The following PCSK5 variants were observed in gnomAD, a reference collection of about 807,000 sequenced individuals.
The protein encoded by PCSK5 is prohormone convertase 5.
Under a neutral mutation model 233.2 loss-of-function variants are expected in PCSK5, and 129 were observed. That is an observed-to-expected ratio of 0.55 (90% confidence interval 0.48 to 0.64). The LOEUF (loss-of-function observed/expected upper bound fraction) is 0.64. Ranked by LOEUF, PCSK5 falls within the 30% of genes least tolerant of loss-of-function variation. The pLI is 0.00. For synonymous variants in PCSK5, 825 were observed against 879.2 expected (o/e 0.94, Z 1.09); for missense variants, 2,076 against 2,430.1 (o/e 0.85, Z 3.06).
intron 30 of PCSK5, among the ~76,000 whole-genome samples, chr9:76,314,386 C>CA (rs950659400): frequency 1.5e-5 from 2 of 137,646 alleles, no homozygotes; most frequent in African/African-American, 5.8e-5. Context: ...TTTAAACACA[C>CA]ACAAAAAAAG....
chr9:75,952,716 G>T (rs941101055), intron 2 of PCSK5, among the ~76,000 whole-genome samples: 1 of 152,126 alleles, frequency 6.6e-6, no homozygotes, highest in Non-Finnish European at 1.5e-5. Flanking sequence ...GGAATAATTC[G>T]GTATGTAGTC....
chr9:76,208,298 T>C (rs1284739898), intron 20 of PCSK5, among the ~76,000 whole-genome samples: 1 of 152,142 alleles, frequency 6.6e-6, no homozygotes, highest in Admixed American at 6.5e-5. Context: ...CTGACTGCAA[T>C]GACCCTGGGT....
At chr9:76,012,956 A>G (rs914826318) in intron 3 of PCSK5, among the ~76,000 whole-genome samples, 4 of 152,214 alleles carry the variant, frequency 2.6e-5, no homozygotes, top group Non-Finnish European at 5.9e-5. Flanking sequence ...AAAATCCTTT[A>G]GAACTGTTAG....
At chr9:76,087,442 C>T (rs927803793) in intron 7 of PCSK5, among the ~76,000 whole-genome samples, 2 of 152,242 alleles carry the variant, frequency 1.3e-5, no homozygotes, top group African/African-American at 4.8e-5. Flanking sequence ...CTCACCATTT[C>T]CAAGTGTCAC....
chr9:75,910,866 T>C (rs913689586), intron 1 of PCSK5, among the ~76,000 whole-genome samples: 8 of 152,136 alleles, frequency 5.3e-5, no homozygotes, highest in Non-Finnish European at 2.9e-5. Context: ...CACAAACATG[T>C]GGGTATCGGT....
chr9:75,931,273 T>A (rs917380808), intron 1 of PCSK5, among the ~76,000 whole-genome samples: 7 of 149,590 alleles, frequency 4.7e-5, no homozygotes, highest in Non-Finnish European at 7.4e-5. Flanking sequence ...TTTTTTAAAT[T>A]AGGAAAGCTG....
chr9:76,046,567 T>TC (rs1471519622), intron 5 of PCSK5, among the ~76,000 whole-genome samples: 3 of 137,526 alleles, frequency 2.2e-5, no homozygotes, highest in African/African-American at 5.6e-5. Flanking sequence ...TTCTTTTTTT[T>TC]TTTTTTTTTT....
chr9:75,895,686 A>G (rs1825772655), intron 1 of PCSK5, among the ~76,000 whole-genome samples: 2 of 152,238 alleles, frequency 1.3e-5, no homozygotes, highest in South Asian at 4.1e-4. Context: ...AAAGGGAGGA[A>G]AAATAACCTG....
chr9:76,107,208 C>G (rs760449388), intron 8 of PCSK5, 43 bp from the exon 9 acceptor site: 3 of 1,251,508 alleles, frequency 2.4e-6, no homozygotes, highest in Non-Finnish European at 3.5e-6. Flanking sequence ...GCAGGTGACT[C>G]ACATTGGCCT....
chr9:76,216,158 T>C (rs1825522242), intron 20 of PCSK5, among the ~76,000 whole-genome samples: 1 of 152,210 alleles, frequency 6.6e-6, no homozygotes. Flanking sequence ...TCTGTAGGAC[T>C]AGGCTGAGAA....
In PCSK5 at chr9:76,207,911, C is replaced by T. The variant is rs142618894; in HGVS notation, c.2626+18165C>T. On this transcript the variant is annotated intron_variant, in intron 20 of 37. Coordinates refer to ENST00000674117, the MANE Select transcript of PCSK5 (RefSeq NM_001372043.1). ...ATAAAAAATAGGACTTTATTTGGCT[C>T]ATGGTCCTGGAGGCTGGAAAGTCTA... is the stretch of plus-strand genomic sequence containing the variant. Among the ~76,000 whole-genome samples the T allele has an allele frequency of 2.9e-3, 434 of 152,276 alleles. 2 individuals carry two copies. The highest frequency in any genetic ancestry group is 9.9e-3 in the African/African-American group (412 of 41,556).
At chr9:76,293,239 T>C (rs1405953719) in intron 25 of PCSK5, among the ~76,000 whole-genome samples, 2 of 152,052 alleles carry the variant, frequency 1.3e-5, no homozygotes, top group Non-Finnish European at 2.9e-5. Flanking sequence ...ACACTTGAAA[T>C]GTGGTAATAG....
At chr9:76,150,908 G>A (rs1370326679) in intron 10 of PCSK5, among the ~76,000 whole-genome samples, 1 of 151,804 alleles carries the variant, frequency 6.6e-6, no homozygotes, top group Non-Finnish European at 1.5e-5. Flanking sequence ...ATTTAGGTGT[G>A]AAACTGCCGA....
chr9:75,960,324 G>T (rs752841882), intron 2 of PCSK5, among the ~76,000 whole-genome samples: 2 of 152,176 alleles, frequency 1.3e-5, no homozygotes, highest in Non-Finnish European at 2.9e-5. Context: ...GGAAGGAATA[G>T]GATTAGTTTG....
intron 20 of PCSK5, among the ~76,000 whole-genome samples, chr9:76,215,168 A>G (rs1449679585): frequency 6.6e-6 from 1 of 152,262 alleles, no homozygotes; most frequent in African/African-American, 2.4e-5. Context: ...AACTGTGAAC[A>G]GCAGAGAGAG....
intron 3 of PCSK5, among the ~76,000 whole-genome samples, chr9:75,994,667 C>A (rs1483240121): frequency 2.0e-5 from 3 of 151,982 alleles, no homozygotes; most frequent in Non-Finnish European, 4.4e-5. Flanking sequence ...TGCGATCCAC[C>A]CGCCTCGGCC....
At chr9:76,084,210 G>A (rs1291523279) in intron 7 of PCSK5, among the ~76,000 whole-genome samples, 6 of 152,094 alleles carry the variant, frequency 3.9e-5, no homozygotes, top group Admixed American at 3.9e-4. Context: ...AGAAATGTGT[G>A]TTTTTCATAA....
At chr9:76,324,237 ATTG>A (rs1171750241) in intron 32 of PCSK5, among the ~76,000 whole-genome samples, 1 of 150,928 alleles carries the variant, frequency 6.6e-6, no homozygotes, top group Non-Finnish European at 1.5e-5. Flanking sequence ...ATATTTTGTT[ATTG>A]TTGTTCTTGA....
intron 27 of PCSK5, among the ~76,000 whole-genome samples, chr9:76,300,339 C>A (rs1437317984): frequency 6.6e-6 from 1 of 152,108 alleles, no homozygotes; most frequent in Non-Finnish European, 1.5e-5. Context: ...GTTATTTAAC[C>A]TACCAGAACA....
Sources: allele counts gnomAD v4.1 joint callset (sites outside exome capture counted in the v4.1 genomes callset), GRCh38; gene constraint gnomAD v4.1.1; transcripts MANE v1.5; gene names NCBI Gene and HGNC (gene_info 2026-07-23, HGNC 2026-07-21).